SSBP2: variants seen among roughly 807,000 people sequenced by gnomAD.
SSBP2 encodes single stranded DNA binding protein 2, also known as single-stranded DNA-binding protein 2.
In SSBP2, 17 loss-of-function variants were observed where a neutral mutation model predicts 61.8. The observed-to-expected ratio is 0.28, with a 90% CI of 0.19 to 0.41. The LOEUF is 0.41. Among genes scored for constraint, SSBP2 ranks in the 10% least tolerant of loss-of-function variants. SSBP2 has a pLI of 1.00. For synonymous variants in SSBP2, 139 were observed against 141.3 expected (o/e 0.98, Z 0.12); for missense variants, 310 against 458.7 (o/e 0.68, Z 2.96).
intron 4 of SSBP2, among the ~76,000 whole-genome samples, chr5:81,582,182 T>G (rs546442036): frequency 1.4e-3 from 213 of 152,310 alleles, no homozygotes; most frequent in South Asian, 3.3e-3. Flanking sequence ...TTGACATCTA[T>G]GAGCTGCTGT....
At chr5:81,721,293 T>C (rs1193800328) in intron 1 of SSBP2, among the ~76,000 whole-genome samples, 1 of 152,084 alleles carries the variant, frequency 6.6e-6, no homozygotes, top group Non-Finnish European at 1.5e-5. Flanking sequence ...GACCTAAAAA[T>C]GTCCCCGAAT....
chr5:81,652,766 T>C (rs1176449672), intron 1 of SSBP2, among the ~76,000 whole-genome samples: 2 of 151,252 alleles, frequency 1.3e-5, no homozygotes, highest in Non-Finnish European at 2.9e-5. Context: ...TTTTTTTTTT[T>C]CATAGAATTT....
At chr5:81,486,350 C>A (rs574047617) in intron 6 of SSBP2, among the ~76,000 whole-genome samples, 1 of 152,124 alleles carries the variant, frequency 6.6e-6, no homozygotes, top group Non-Finnish European at 1.5e-5. Flanking sequence ...TTAGTCTCTA[C>A]GGAACCTAGG....
At chr5:81,584,741 A>C (rs1460927113) in intron 4 of SSBP2, among the ~76,000 whole-genome samples, 2 of 152,308 alleles carry the variant, frequency 1.3e-5, no homozygotes, top group Non-Finnish European at 2.9e-5. Context: ...AGAAGAATAG[A>C]TAAGAGCAAA....
chr5:81,651,029 A>T (rs1321532925), intron 1 of SSBP2, among the ~76,000 whole-genome samples: 1 of 152,208 alleles, frequency 6.6e-6, no homozygotes, highest in Non-Finnish European at 1.5e-5. Context: ...TGTGTTGTAT[A>T]CACAAACTAC....
intron 6 of SSBP2, among the ~76,000 whole-genome samples, chr5:81,483,103 G>GT (rs1766117764): frequency 6.6e-6 from 1 of 152,136 alleles, no homozygotes; most frequent in African/African-American, 2.4e-5. Context: ...TCACTGTCTT[G>GT]TATGGGCACG....
At chr5:81,703,384 T>C (rs1009010887) in intron 1 of SSBP2, among the ~76,000 whole-genome samples, 2 of 152,060 alleles carry the variant, frequency 1.3e-5, no homozygotes, top group East Asian at 3.9e-4. Flanking sequence ...GCAGTGCTTG[T>C]TAGATGGACA....
intron 4 of SSBP2, among the ~76,000 whole-genome samples, chr5:81,582,071 G>A (rs1026667160): frequency 2.6e-5 from 4 of 151,982 alleles, no homozygotes; most frequent in African/African-American, 9.7e-5. Context: ...TTTTCCCTTG[G>A]TATAGAAGCT....
At chr5:81,592,751 A>C (rs181338680) in intron 4 of SSBP2, among the ~76,000 whole-genome samples, 32 of 152,286 alleles carry the variant, frequency 2.1e-4, no homozygotes, top group African/African-American at 7.5e-4. Flanking sequence ...GGACCTCTAG[A>C]AAACTCCAAC....
At chr5:81,645,841 G>A (rs1749206974) in intron 2 of SSBP2, among the ~76,000 whole-genome samples, 1 of 152,086 alleles carries the variant, frequency 6.6e-6, no homozygotes, top group African/African-American at 2.4e-5. Flanking sequence ...TTTGGATTCA[G>A]GTAGTGGTTT....
At chr5:81,423,539 T>C (rs1761745447) in intron 16 of SSBP2, among the ~76,000 whole-genome samples, 1 of 152,036 alleles carries the variant, frequency 6.6e-6, no homozygotes, top group Non-Finnish European at 1.5e-5. Context: ...GGTCAGGAGT[T>C]TGAGACCAGC....
intron 4 of SSBP2, among the ~76,000 whole-genome samples, chr5:81,564,808 C>T (rs1773302197): frequency 6.6e-6 from 1 of 152,190 alleles, no homozygotes. Context: ...AAAGCTCTCT[C>T]CTAGTTTCCT....
intron 4 of SSBP2, among the ~76,000 whole-genome samples, chr5:81,593,850 A>G (rs1743397089): frequency 2.0e-5 from 3 of 152,246 alleles, no homozygotes; most frequent in Middle Eastern, 3.2e-3. Context: ...AGCACTAAAC[A>G]TGGAAAGGAA....
At chr5:81,683,942 G>T (rs774243473) in intron 1 of SSBP2, among the ~76,000 whole-genome samples, 1 of 152,096 alleles carries the variant, frequency 6.6e-6, no homozygotes, top group Non-Finnish European at 1.5e-5. Context: ...TCAAAATACT[G>T]ACACCACCAA....
At chr5:81,557,157 T>C (rs1292822335) in intron 4 of SSBP2, among the ~76,000 whole-genome samples, 2 of 152,182 alleles carry the variant, frequency 1.3e-5, no homozygotes, top group South Asian at 2.1e-4. Flanking sequence ...ACTTTAAAGA[T>C]GTTGTTCCAC....
intron 3 of SSBP2, among the ~76,000 whole-genome samples, chr5:81,624,060 A>T (rs1231776267): frequency 1.3e-5 from 2 of 152,184 alleles, no homozygotes; most frequent in Non-Finnish European, 2.9e-5. Flanking sequence ...TATTTTCCAT[A>T]CATTTACAAT....
intron 4 of SSBP2, among the ~76,000 whole-genome samples, chr5:81,549,157 T>C (rs1475380416): frequency 2.0e-5 from 3 of 152,180 alleles, no homozygotes; most frequent in Non-Finnish European, 4.4e-5. Context: ...TCTTTATCTT[T>C]TTACCCATAA....
intron 13 of SSBP2, 25 bp downstream of exon 13, chr5:81,442,628 A>T: frequency 1.4e-6 from 2 of 1,398,606 alleles, no homozygotes; most frequent in Non-Finnish European, 2.0e-6. Context: ...AATACATTCC[A>T]AAAATAAAAA....
At chr5:81,743,262 T>C (rs1382447703) in intron 1 of SSBP2, among the ~76,000 whole-genome samples, 1 of 152,192 alleles carries the variant, frequency 6.6e-6, no homozygotes, top group East Asian at 1.9e-4. Flanking sequence ...GCAATTATGT[T>C]GATGCTAAGG....
Sources: gnomAD v4.1 joint callset for allele counts (sites outside exome capture counted in the v4.1 genomes callset) on GRCh38, gnomAD v4.1.1 for gene constraint, MANE v1.5 for transcripts, NCBI Gene and HGNC (gene_info 2026-07-23, HGNC 2026-07-21) for gene names.